Variants in SAMD3 observed in about 807,000 individuals in gnomAD.
SAMD3 encodes the protein sterile alpha motif domain-containing protein 3.
A neutral mutation model predicts 58.5 loss-of-function variants in SAMD3; 63 were observed. The ratio of observed to expected loss-of-function variants is 1.08; its 90% CI spans 0.88 to 1.33. The LOEUF (loss-of-function observed/expected upper bound fraction) is 1.33. Ranked by LOEUF, SAMD3 falls within the 40% of genes most tolerant of loss-of-function variation. The probability of loss-of-function intolerance (pLI) is 0.00; values close to 1 mark genes in which losing one functional copy is unlikely to be tolerated. For missense variants in SAMD3, 604 were observed against 608.4 expected (o/e 0.99, Z 0.08); for synonymous variants, 220 against 210.3 (o/e 1.05, Z -0.40).
At position 130,360,325 on chromosome 6, in the gene SAMD3, G is replaced by T. The variant is rs558012717; in HGVS notation, c.-304+4795C>A. Reference sequence around the variant, plus strand: ...GGAACCTGCCCCAATAGTCATGTAGGTCCTTTTCTATTTTCCCTAAGTGTC... The same window carrying T: ...GGAACCTGCCCCAATAGTCATGTAGTTCCTTTTCTATTTTCCCTAAGTGTC... On this transcript the variant is annotated intron_variant, in intron 1 of 13. Transcript: ENST00000368134. Among the ~76,000 whole-genome samples, 7 of 152,286 alleles carry T rather than the reference G, an allele frequency of 4.6e-5. No individual in the cohort carries two copies. The South Asian group carries it at 6.2e-4, about 14-fold the overall frequency.
chr6:130,197,972 G>A (rs1254339416), intron 5 of SAMD3, among the ~76,000 whole-genome samples: 2 of 152,004 alleles, frequency 1.3e-5, no homozygotes, highest in South Asian at 2.1e-4. Context: ...ATTGTCTTGC[G>A]AAATTCCTCC....
chr6:130,209,000 A>G (rs929655193), intron 5 of SAMD3, among the ~76,000 whole-genome samples: 41 of 152,216 alleles, frequency 2.7e-4, no homozygotes, highest in Non-Finnish European at 1.5e-5. Flanking sequence ...TGTAATCCAT[A>G]TATTGAAATA....
chr6:130,360,888 T>A (rs1279834549), intron 1 of SAMD3, among the ~76,000 whole-genome samples: 1 of 152,208 alleles, frequency 6.6e-6, no homozygotes, highest in East Asian at 1.9e-4. Context: ...AATTCAGCAA[T>A]ATTTCTCCCA....
At chr6:130,193,293 C>G (rs1448144898) in intron 5 of SAMD3, among the ~76,000 whole-genome samples, 1 of 151,970 alleles carries the variant, frequency 6.6e-6, no homozygotes, top group Non-Finnish European at 1.5e-5. Flanking sequence ...GCAGCAAGTC[C>G]CACTTTTCTG....
intron 5 of SAMD3, among the ~76,000 whole-genome samples, chr6:130,189,119 C>A (rs1014305534): frequency 5.5e-4 from 63 of 115,222 alleles, no homozygotes; most frequent in African/African-American, 1.4e-3. Context: ...AAAAAAAAAA[C>A]CAAAAAACAA....
intron 2 of SAMD3, among the ~76,000 whole-genome samples, chr6:130,301,568 A>C (rs900967366): frequency 6.6e-6 from 1 of 152,184 alleles, no homozygotes; most frequent in Non-Finnish European, 1.5e-5. Context: ...TTTTCACAGA[A>C]TTAGAAAAAA....
At chr6:130,252,670 G>A (rs1295120564) in intron 2 of SAMD3, among the ~76,000 whole-genome samples, 40 of 152,260 alleles carry the variant, frequency 2.6e-4, no homozygotes, top group Non-Finnish European at 8.8e-5. Flanking sequence ...GGTTTCTGCC[G>A]CCTGAAGTGT....
chr6:130,267,672 T>G (rs1774409061), intron 2 of SAMD3, among the ~76,000 whole-genome samples: 1 of 152,112 alleles, frequency 6.6e-6, no homozygotes, highest in Admixed American at 6.5e-5. Flanking sequence ...AGCCTGGTAG[T>G]TAAAATTTGA....
At chr6:130,210,764 C>T (rs1056383920) in intron 4 of SAMD3, among the ~76,000 whole-genome samples, 6 of 152,098 alleles carry the variant, frequency 3.9e-5, no homozygotes, top group Non-Finnish European at 7.4e-5. Flanking sequence ...ATACCCTCCT[C>T]CCTTTTAGAA....
chr6:130,268,986 T>C (rs10457541), intron 2 of SAMD3, among the ~76,000 whole-genome samples: 47,259 of 152,028 alleles, frequency 0.31, 7,726 homozygotes, highest in East Asian at 0.47. Context: ...ATCATTTTTT[T>C]CCCTTTTATG....
intron 1 of SAMD3, among the ~76,000 whole-genome samples, chr6:130,363,886 G>A (rs1983717): frequency 0.18 from 26,991 of 152,122 alleles, 2,627 homozygotes; most frequent in East Asian, 0.36. Flanking sequence ...TTCCAAAGCC[G>A]ATGTGTAGCT....
At chr6:130,291,022 T>C (rs1431482772) in intron 2 of SAMD3, among the ~76,000 whole-genome samples, 2 of 152,202 alleles carry the variant, frequency 1.3e-5, no homozygotes, top group East Asian at 3.8e-4. Context: ...ACATACTCTG[T>C]CAGACCTTTC....
chr6:130,236,300 A>T (rs1773144041), intron 2 of SAMD3, among the ~76,000 whole-genome samples: 1 of 152,176 alleles, frequency 6.6e-6, no homozygotes, highest in African/African-American at 2.4e-5. Flanking sequence ...GCATGAAGTG[A>T]CAAAGACAGC....
At position 130,184,548 on chromosome 6, in the gene SAMD3, G is replaced by A. The variant is rs780551533; in HGVS notation, c.459C>T (p.Pro153=). 1.2e-6 allele frequency: 2 copies of A among 1,614,092 alleles called. No individual in the cohort carries two copies. The highest frequency in any genetic ancestry group is 3.3e-5 in the Admixed American group (2 of 60,032). ...CTGCTAACATGCATTTGACATCATA[G>A]GGAAACTCTGGTAAAACATAGGACT... ...WTKSYVLPEF[P]YDVKCMLAEQ... is the part of the protein sequence containing the mutation. Residue 153 remains proline, a synonymous_variant, in exon 6 of 12, where the codon CCC becomes CCT. Coordinates refer to ENST00000439090, the MANE Select transcript of SAMD3 (RefSeq NM_001017373.4).
Position 130,214,449 on chromosome 6 carries a change from GGT to G in SAMD3, c.155_156del (p.His52ProfsTer9). 6.2e-7 allele frequency: 1 copy of G among 1,613,148 alleles called. No individual in the cohort carries two copies. The highest frequency in any genetic ancestry group is 8.5e-7 in the Non-Finnish European group (1 of 1,179,542). On this transcript the variant is annotated frameshift_variant, in exon 4 of 12. Transcript: ENST00000439090. LOFTEE classifies it high-confidence loss of function. ...TTAATTAAATCCATCAGAACAGCCTGGTGCCCAATTTTCTTTACCAGTTGCTG... is the reference window on the plus strand; with the variant it reads ...TTAATTAAATCCATCAGAACAGCCTGGCCCAATTTTCTTTACCAGTTGCTG... ...MVQQLVKKIG[H>X]QAVLMDLIKK...
rs1302456583 is a variant in SAMD3 at position 130,214,483 on chromosome 6, C to T, written c.123G>A (p.Arg41=). 9 of 1,610,902 alleles carry T rather than the reference C, an allele frequency of 5.6e-6. No individual in the cohort carries two copies. The highest frequency in any genetic ancestry group is 7.6e-6 in the Non-Finnish European group (9 of 1,178,642). The part of the protein sequence containing the change: ...SGAALLALND[R]MVQQLVKKIG... ...TTTTCTTTACCAGTTGCTGAACCATCCGATCATTAAGTGCAAGAAGAGCGG... is the reference window on the plus strand; with the variant it reads ...TTTTCTTTACCAGTTGCTGAACCATTCGATCATTAAGTGCAAGAAGAGCGG... The change falls in exon 4 of 12, where the codon CGG becomes CGA. Residue 41 remains arginine (R), a synonymous_variant. Transcript: ENST00000439090.
At chr6:130,308,349 AATTCTATTCT>A (rs68138988) in intron 2 of SAMD3, among the ~76,000 whole-genome samples, 7,353 of 69,292 alleles carry the variant, frequency 0.11, 319 homozygotes, top group Middle Eastern at 0.13. Context: ...AAGTTCATAG[AATTCTATTCT>A]ATTCTATTCT....
intron 2 of SAMD3, among the ~76,000 whole-genome samples, chr6:130,236,787 C>A (rs1773167519): frequency 6.6e-6 from 1 of 152,170 alleles, no homozygotes; most frequent in Non-Finnish European, 1.5e-5. Context: ...TTGTCATTTG[C>A]ATTAATCAGT....
At position 130,186,300 on chromosome 6, in the gene SAMD3, A is replaced by G. The variant is rs138427613; in HGVS notation, c.384-1677T>C. 3.7e-3 allele frequency among the ~76,000 whole-genome samples: 559 copies of G among 152,264 alleles called. 4 individuals carry two copies. Among genetic ancestry groups the G allele is most frequent in the African/African-American group, 0.013 (533 of 41,562 alleles). On this transcript the variant is annotated intron_variant, in intron 5 of 11. Coordinates refer to ENST00000439090, the MANE Select transcript of SAMD3 (RefSeq NM_001017373.4). ...TTTGAAAGACTAGGATTCTTTTAGC[A>G]TTTTAGGTCATCCTTTATAAGAATG...
Sources: gnomAD v4.1 joint callset for allele counts (sites outside exome capture counted in the v4.1 genomes callset) on GRCh38, gnomAD v4.1.1 for gene constraint, MANE v1.5 for transcripts, NCBI Gene and HGNC (gene_info 2026-07-23, HGNC 2026-07-21) for gene names.